Variants in RNF180 observed in about 807,000 individuals in gnomAD.
The protein encoded by RNF180 is E3 ubiquitin-protein ligase RNF180.
In RNF180, 38 loss-of-function variants were observed where a neutral mutation model predicts 59.2. The ratio of observed to expected loss-of-function variants is 0.64; its 90% CI spans 0.50 to 0.84. RNF180 has a LOEUF of 0.84. Ranked by LOEUF, RNF180 falls within the 40% of genes least tolerant of loss-of-function variation. The pLI is 0.00. For missense variants in RNF180, 705 were observed against 700.9 expected, an observed-to-expected ratio of 1.01 and a Z score of -0.07; for synonymous variants, 262 against 240.3, an observed-to-expected ratio of 1.09 and a Z score of -0.84.
chr5:64,188,861 G>A (rs376726369), intron 1 of RNF180, among the ~76,000 whole-genome samples: 3 of 152,018 alleles, frequency 2.0e-5, no homozygotes, highest in Non-Finnish European at 2.9e-5. Context: ...GTCCCTCACC[G>A]CCTGCCCCAA....
chr5:64,302,002 TCTC>T (rs1424624160), intron 5 of RNF180, among the ~76,000 whole-genome samples: 2 of 151,618 alleles, frequency 1.3e-5, no homozygotes, highest in African/African-American at 4.8e-5. Context: ...CAAAAATATT[TCTC>T]TTTTTTACAC....
At chr5:64,183,717 G>A (rs1302085049) in intron 1 of RNF180, among the ~76,000 whole-genome samples, 1 of 152,084 alleles carries the variant, frequency 6.6e-6, no homozygotes, top group African/African-American at 2.4e-5. Context: ...GAAAGTGCTG[G>A]GGTTACAGGC....
chr5:64,353,215 G>T (rs779807792), intron 7 of RNF180, among the ~76,000 whole-genome samples: 1 of 151,436 alleles, frequency 6.6e-6, no homozygotes, highest in Non-Finnish European at 1.5e-5. Context: ...ATTAACAGAA[G>T]AAAAAACCTT....
At chr5:64,351,178 A>G (rs1304602178) in intron 7 of RNF180, among the ~76,000 whole-genome samples, 1 of 152,142 alleles carries the variant, frequency 6.6e-6, no homozygotes, top group East Asian at 1.9e-4. Flanking sequence ...GCAATTGTGA[A>G]TGGGAGTTCA....
chr5:64,230,486 T>C (rs953203287), intron 5 of RNF180, among the ~76,000 whole-genome samples: 4 of 152,260 alleles, frequency 2.6e-5, no homozygotes, highest in Admixed American at 6.5e-5. Flanking sequence ...TGCATCTTTC[T>C]CACAATGTCA....
chr5:64,218,511 T>G (rs981676452), intron 5 of RNF180, among the ~76,000 whole-genome samples: 2 of 152,222 alleles, frequency 1.3e-5, no homozygotes, highest in African/African-American at 4.8e-5. Context: ...CCTTTTTTCC[T>G]GTGACTTTGT....
intron 5 of RNF180, among the ~76,000 whole-genome samples, chr5:64,257,169 A>G (rs59369710): frequency 6.6e-6 from 1 of 151,986 alleles, no homozygotes; most frequent in African/African-American, 2.4e-5. Flanking sequence ...TTGACTTCCT[A>G]TTTTCCTAAT....
At chr5:64,304,165 C>T (rs1056044244) in intron 5 of RNF180, among the ~76,000 whole-genome samples, 1 of 151,154 alleles carries the variant, frequency 6.6e-6, no homozygotes, top group Non-Finnish European at 1.5e-5. Flanking sequence ...AATATCAGTG[C>T]TTGTTGACAG....
intron 5 of RNF180, among the ~76,000 whole-genome samples, chr5:64,224,079 G>A (rs1482653232): frequency 6.6e-6 from 1 of 151,212 alleles, no homozygotes; most frequent in Non-Finnish European, 1.5e-5. Flanking sequence ...GTGTGTGTGT[G>A]TGTGTGTGTG....
At chr5:64,224,905 C>T (rs945194383) in intron 5 of RNF180, among the ~76,000 whole-genome samples, 4 of 152,318 alleles carry the variant, frequency 2.6e-5, no homozygotes, top group African/African-American at 9.6e-5. Flanking sequence ...CTTACCCTTC[C>T]ACCTTCTGCC....
chr5:64,325,049 G>A (rs746031073), intron 5 of RNF180, 137 bp from the exon 6 acceptor site: 1 of 607,758 alleles, frequency 1.6e-6, no homozygotes, highest in Non-Finnish European at 2.9e-6. Flanking sequence ...TTGAAAGGTA[G>A]CATTTCTGGC....
intron 1 of RNF180, among the ~76,000 whole-genome samples, chr5:64,177,692 C>G (rs1475798953): frequency 1.3e-5 from 2 of 151,682 alleles, no homozygotes; most frequent in African/African-American, 4.8e-5. Flanking sequence ...TAAAGCATAA[C>G]TTAGTAATGT....
intron 7 of RNF180, among the ~76,000 whole-genome samples, chr5:64,368,213 G>A (rs1337040294): frequency 1.3e-5 from 2 of 151,654 alleles, no homozygotes; most frequent in Non-Finnish European, 3.0e-5. Context: ...TGTCTGTCTA[G>A]TTTATTCGAT....
rs190891552 is a variant in RNF180 at position 64,182,911 on chromosome 5, C to T, written c.-1+16958C>T. On this transcript the variant is annotated intron_variant, in intron 1 of 7. Transcript: ENST00000389100. ...CTAAAGGAGAGTACTTCCGATGTCA[C>T]GTAAAAGGTGATCAAGACTGAATAT... 9.2e-5 allele frequency among the ~76,000 whole-genome samples: 14 copies of T among 152,246 alleles called. No homozygotes were observed. In the East Asian group the frequency reaches 2.7e-3, roughly 29 times the overall value.
intron 7 of RNF180, among the ~76,000 whole-genome samples, chr5:64,342,851 A>G (rs1745407835): frequency 6.6e-6 from 1 of 152,182 alleles, no homozygotes; most frequent in Non-Finnish European, 1.5e-5. Flanking sequence ...TTTGGAGATA[A>G]AGTCCCATTA....
chr5:64,334,608 TAC>T (rs1418150091), intron 7 of RNF180, among the ~76,000 whole-genome samples: 4 of 152,240 alleles, frequency 2.6e-5, no homozygotes, highest in Non-Finnish European at 5.9e-5. Flanking sequence ...TGTATAAGTA[TAC>T]ATATGTATAC....
intron 1 of RNF180, among the ~76,000 whole-genome samples, chr5:64,180,009 T>C (rs536366400): frequency 3.3e-5 from 5 of 152,318 alleles, no homozygotes; most frequent in African/African-American, 1.2e-4. Context: ...TTTTATATAA[T>C]TGTTGGCCAT....
At chr5:64,175,032 A>G (rs1446678634) in intron 1 of RNF180, among the ~76,000 whole-genome samples, 1 of 143,750 alleles carries the variant, frequency 7.0e-6, no homozygotes. Flanking sequence ...CAGTGGTGCA[A>G]TCTCGGCTCA....
At chr5:64,170,169 C>T (rs546212331) in intron 1 of RNF180, among the ~76,000 whole-genome samples, 1 of 152,336 alleles carries the variant, frequency 6.6e-6, no homozygotes, top group East Asian at 1.9e-4. Context: ...CTTCCCAGTT[C>T]TGTTGTTTGT....
Sources: allele counts gnomAD v4.1 joint callset (sites outside exome capture counted in the v4.1 genomes callset), GRCh38; gene constraint gnomAD v4.1.1; transcripts MANE v1.5; gene names NCBI Gene and HGNC (gene_info 2026-07-23, HGNC 2026-07-21).